NRF1: variants seen among roughly 807,000 people sequenced by gnomAD.
The protein encoded by NRF1 is alpha palindromic-binding protein.
NRF1 carries 5 observed loss-of-function variants against 58.5 expected under a neutral mutation model. The observed-to-expected ratio is 0.09, with a 90% CI of 0.04 to 0.18. NRF1 has a LOEUF of 0.18. NRF1 is among the 10% of genes least tolerant of loss of function. The probability of loss-of-function intolerance (pLI) is 1.00; values close to 1 mark genes in which losing one functional copy is unlikely to be tolerated. For synonymous variants in NRF1, 224 were observed against 246.7 expected (o/e 0.91, Z 0.86); for missense variants, 288 against 657.7 (o/e 0.44, Z 6.15).
At chr7:129,694,473 T>A (rs1802641067) in intron 5 of NRF1, among the ~76,000 whole-genome samples, 1 of 152,164 alleles carries the variant, frequency 6.6e-6, no homozygotes, top group Admixed American at 6.5e-5. Context: ...GAGGCAATTC[T>A]CCCACCTCAG....
intron 4 of NRF1, among the ~76,000 whole-genome samples, chr7:129,678,812 G>C (rs563027566): frequency 1.4e-4 from 22 of 152,204 alleles, no homozygotes; most frequent in Admixed American, 5.9e-4. Flanking sequence ...GATTCATCTA[G>C]AAGACTCAGA....
intron 1 of NRF1, among the ~76,000 whole-genome samples, chr7:129,628,913 C>T (rs1450075553): frequency 6.6e-6 from 1 of 152,168 alleles, no homozygotes; most frequent in Non-Finnish European, 1.5e-5. Context: ...AATATTAATT[C>T]ATCAAGTTTA....
chr7:129,682,813 A>G (rs1291651051), intron 4 of NRF1, among the ~76,000 whole-genome samples: 1 of 152,116 alleles, frequency 6.6e-6, no homozygotes, highest in Non-Finnish European at 1.5e-5. Context: ...AAAAACAAAC[A>G]AAAGAAGCTG....
intron 1 of NRF1, among the ~76,000 whole-genome samples, chr7:129,641,513 T>A (rs1375098015): frequency 6.6e-6 from 1 of 152,168 alleles, no homozygotes; most frequent in Admixed American, 6.5e-5. Flanking sequence ...CACCAAGTAT[T>A]GTGTGCTTTC....
At chr7:129,645,423 G>C (rs1488318015) in intron 1 of NRF1, among the ~76,000 whole-genome samples, 1 of 152,154 alleles carries the variant, frequency 6.6e-6, no homozygotes, top group Non-Finnish European at 1.5e-5. Flanking sequence ...CCAGACACTT[G>C]TACATGCTGA....
intron 1 of NRF1, among the ~76,000 whole-genome samples, chr7:129,653,453 T>C (rs1297626294): frequency 1.3e-5 from 2 of 152,208 alleles, no homozygotes; most frequent in Non-Finnish European, 2.9e-5. Context: ...TGACACGTCA[T>C]TATTACCCAA....
intron 5 of NRF1, among the ~76,000 whole-genome samples, chr7:129,694,364 C>G (rs1342941296): frequency 6.6e-6 from 1 of 152,088 alleles, no homozygotes; most frequent in East Asian, 1.9e-4. Context: ...CTCTTTGTCT[C>G]TGTCTCTCTT....
chr7:129,648,233 C>G (rs1045776031), intron 1 of NRF1, among the ~76,000 whole-genome samples: 4 of 147,450 alleles, frequency 2.7e-5, no homozygotes, highest in South Asian at 2.1e-4. Context: ...AATAATATGT[C>G]TATACCACTA....
At chr7:129,719,792 G>A (rs947216084) in intron 9 of NRF1, among the ~76,000 whole-genome samples, 20 of 152,114 alleles carry the variant, frequency 1.3e-4, no homozygotes, top group Middle Eastern at 3.4e-3. Flanking sequence ...GAGACCCTCC[G>A]TCCCTTTAGT....
Position 129,663,800 on chromosome 7 carries a change from A to G in NRF1, c.223+6226A>G, listed in dbSNP as rs189202623. ...CAGCTGGGAGGTGGAGGTTGTAGCG[A>G]GCCAAGATCACGCCACTGTACTCCA... On this transcript the variant is annotated intron_variant, in intron 2 of 10. Coordinates refer to ENST00000393232, the MANE Select transcript of NRF1 (RefSeq NM_005011.5). Among the ~76,000 whole-genome samples the G allele has an allele frequency of 3.4e-3, 518 of 152,258 alleles. 8 individuals carry two copies. Among genetic ancestry groups the G allele is most frequent in the Non-Finnish European group, 4.1e-4 (28 of 68,014 alleles).
intron 1 of NRF1, among the ~76,000 whole-genome samples, chr7:129,655,140 G>C (rs1489036798): frequency 6.6e-6 from 1 of 151,834 alleles, no homozygotes; most frequent in Non-Finnish European, 1.5e-5. Context: ...TCAGAGTTTT[G>C]TGTTTTTTTT....
chr7:129,629,760 A>T (rs947105550), intron 1 of NRF1, among the ~76,000 whole-genome samples: 1 of 152,202 alleles, frequency 6.6e-6, no homozygotes, highest in Non-Finnish European at 1.5e-5. Flanking sequence ...CACATTCTTA[A>T]ATAAAATGGA....
rs1800606999 is a variant in NRF1, at chr7:129,614,131, T to A, written c.-7+2307T>A. The stretch of plus-strand genomic sequence containing the variant: ...AATAGTTCTCTTTTTCTTTTTCTTT[T>A]CTTAGACGGAGTCTCACTCTGTCAC... On this transcript the variant is annotated intron_variant, in intron 1 of 10. Coordinates refer to ENST00000393232, the MANE Select transcript of NRF1 (RefSeq NM_005011.5). 2.6e-5 allele frequency among the ~76,000 whole-genome samples: 4 copies of A among 152,174 alleles called. No homozygotes were observed. The South Asian group carries it at 8.3e-4, about 32-fold the overall frequency.
intron 1 of NRF1, among the ~76,000 whole-genome samples, chr7:129,616,397 A>G (rs1479582112): frequency 6.6e-6 from 1 of 152,232 alleles, no homozygotes; most frequent in Non-Finnish European, 1.5e-5. Context: ...AGCCTGGGCA[A>G]TGTAGTGACA....
At chr7:129,676,168 C>T (rs902089824) in intron 3 of NRF1, among the ~76,000 whole-genome samples, 8 of 152,184 alleles carry the variant, frequency 5.3e-5, no homozygotes, top group African/African-American at 1.9e-4. Flanking sequence ...ATCTTTTATC[C>T]GGACCACTAA....
intron 10 of NRF1, among the ~76,000 whole-genome samples, chr7:129,752,996 C>T (rs1266519082): frequency 3.9e-5 from 6 of 152,156 alleles, no homozygotes; most frequent in Non-Finnish European, 8.8e-5. Context: ...TCTAGTGATG[C>T]GTCACCATAA....
intron 1 of NRF1, among the ~76,000 whole-genome samples, chr7:129,637,590 T>A (rs536763052): frequency 6.6e-6 from 1 of 152,346 alleles, no homozygotes; most frequent in African/African-American, 2.4e-5. Flanking sequence ...TTAGTATATC[T>A]TTTGAAATTA....
At chr7:129,636,287 T>A (rs2151064774) in intron 1 of NRF1, among the ~76,000 whole-genome samples, 1 of 152,242 alleles carries the variant, frequency 6.6e-6, no homozygotes, top group African/African-American at 2.4e-5. Flanking sequence ...CAGGCTGGAG[T>A]ACAGTGGTGT....
intron 9 of NRF1, among the ~76,000 whole-genome samples, chr7:129,722,958 T>C (rs532468458): frequency 2.6e-5 from 4 of 152,254 alleles, no homozygotes; most frequent in African/African-American, 7.2e-5. Context: ...TATAAACAAT[T>C]CTCATTTACA....
Sources: allele counts gnomAD v4.1 joint callset (sites outside exome capture counted in the v4.1 genomes callset), GRCh38; gene constraint gnomAD v4.1.1; transcripts MANE v1.5; gene names NCBI Gene and HGNC (gene_info 2026-07-23, HGNC 2026-07-21).